Variants in DRC11 observed in about 807,000 individuals in gnomAD.
DRC11 encodes the protein dynein regulatory complex subunit 11, also known as IQ and AAA domain-containing protein 1.
chr2:236,320,429 A>G, the DRC11 span, among the ~76,000 whole-genome samples: 1 of 152,214 alleles, frequency 6.6e-6, no homozygotes, highest in Non-Finnish European at 1.5e-5. Context: ...CACCTACCAC[A>G]ATTACGGTCT....
chr2:236,466,621 G>C, the DRC11 span, among the ~76,000 whole-genome samples: 8 of 152,090 alleles, frequency 5.3e-5, no homozygotes, highest in African/African-American at 1.9e-4. Context: ...GTGGTGAAAG[G>C]GAGCAAGAGA....
chr2:236,491,142 G>GTATA, the DRC11 span, among the ~76,000 whole-genome samples: 100 of 39,352 alleles, frequency 2.5e-3, 5 homozygotes, highest in Middle Eastern at 0.013. Context: ...TATATATACA[G>GTATA]TATATATATA....
chr2:236,324,363 G>A, the DRC11 span: 3 of 270,584 alleles, frequency 1.1e-5, no homozygotes, highest in Non-Finnish European at 1.4e-5. This position sits in a 1 kb window ranked among gnomAD's most constrained non-coding sequence, Gnocchi z 5.7. Flanking sequence ...GAGAGGAAGA[G>A]TCCAACTTGG....
the DRC11 span, chr2:236,391,609 A>G: frequency 8.6e-6 from 2 of 233,046 alleles, no homozygotes; most frequent in Non-Finnish European, 1.7e-5. This position sits in a 1 kb window ranked among gnomAD's most constrained non-coding sequence, Gnocchi z 4.5. Context: ...ACTCACAAAA[A>G]CCTGCTCATT....
At chr2:236,411,622 A>T in the DRC11 span, among the ~76,000 whole-genome samples, 3 of 151,416 alleles carry the variant, frequency 2.0e-5, no homozygotes, top group South Asian at 4.2e-4. Flanking sequence ...CATTATTCAC[A>T]ATAGCAAAGA....
chr2:236,321,588 T>A, the DRC11 span, among the ~76,000 whole-genome samples: 7 of 152,114 alleles, frequency 4.6e-5, no homozygotes, highest in South Asian at 1.0e-3. Flanking sequence ...GACTTTGCAG[T>A]GACAGACAAA....
the DRC11 span, among the ~76,000 whole-genome samples, chr2:236,460,502 C>G: frequency 6.6e-6 from 1 of 152,154 alleles, no homozygotes; most frequent in Non-Finnish European, 1.5e-5. The surrounding 1 kb of genome is among the most constrained non-coding windows in gnomAD (Gnocchi z 4.0). Flanking sequence ...AGGTATTATA[C>G]TCATTGATGT....
the DRC11 span, among the ~76,000 whole-genome samples, chr2:236,350,837 C>A: frequency 6.6e-6 from 1 of 152,196 alleles, no homozygotes; most frequent in Admixed American, 6.5e-5. This position sits in a 1 kb window ranked among gnomAD's most constrained non-coding sequence, Gnocchi z 5.2. Flanking sequence ...TCCTGACCTT[C>A]CCCTGGGGAA....
At chr2:236,431,424 C>T in the DRC11 span, among the ~76,000 whole-genome samples, 1 of 152,142 alleles carries the variant, frequency 6.6e-6, no homozygotes, top group East Asian at 1.9e-4. The surrounding 1 kb of genome is among the most constrained non-coding windows in gnomAD (Gnocchi z 4.2). Flanking sequence ...CTTATAAAGT[C>T]ATCAAATCTT....
chr2:236,479,181 T>C, the DRC11 span, among the ~76,000 whole-genome samples: 2 of 152,202 alleles, frequency 1.3e-5, no homozygotes, highest in African/African-American at 2.4e-5. This position sits in a 1 kb window ranked among gnomAD's most constrained non-coding sequence, Gnocchi z 4.1. Flanking sequence ...TTTTTTTCCA[T>C]TTGCATGGAA....
At chr2:236,348,128 C>A in the DRC11 span, among the ~76,000 whole-genome samples, 2 of 152,222 alleles carry the variant, frequency 1.3e-5, no homozygotes, top group Non-Finnish European at 2.9e-5. The surrounding 1 kb of genome is among the most constrained non-coding windows in gnomAD (Gnocchi z 7.4). Flanking sequence ...TAGATCACAG[C>A]AAAGTATTAA....
chr2:236,357,847 TATATAA>T, the DRC11 span, among the ~76,000 whole-genome samples: 1 of 125,208 alleles, frequency 8.0e-6, no homozygotes, highest in African/African-American at 3.2e-5. Context: ...AAATATGTAA[TATATAA>T]ATATATACTA....
the DRC11 span, among the ~76,000 whole-genome samples, chr2:236,357,057 T>TATATTCATATATATCTATATA: frequency 9.2e-5 from 4 of 43,372 alleles, no homozygotes; most frequent in Admixed American, 7.9e-4. Context: ...TATATATCTA[T>TATATTCATATATATCTATATA]TTATATATTC....
chr2:236,421,425 T>A, the DRC11 span, among the ~76,000 whole-genome samples: 51 of 152,168 alleles, frequency 3.4e-4, no homozygotes, highest in Non-Finnish European at 4.7e-4. Context: ...GAGAATACTA[T>A]AAACACCTTT....
At chr2:236,465,355 C>A in the DRC11 span, 1 of 673,842 alleles carries the variant, frequency 1.5e-6, no homozygotes, top group South Asian at 1.9e-5. The surrounding 1 kb of genome is among the most constrained non-coding windows in gnomAD (Gnocchi z 6.2). Flanking sequence ...AAATTAATTT[C>A]TGAATTCTTA....
chr2:236,403,626 TA>T, the DRC11 span, among the ~76,000 whole-genome samples: 9 of 152,224 alleles, frequency 5.9e-5, no homozygotes, highest in South Asian at 2.1e-4. Flanking sequence ...ACATGGTATT[TA>T]AAAAAAATTA....
chr2:236,405,305 C>G, the DRC11 span, among the ~76,000 whole-genome samples: 1 of 151,818 alleles, frequency 6.6e-6, no homozygotes, highest in African/African-American at 2.4e-5. This position sits in a 1 kb window ranked among gnomAD's most constrained non-coding sequence, Gnocchi z 4.6. Context: ...ACCTGCAGAC[C>G]GACCTCAGAG....
chr2:236,336,462 ACCACCACTGCCACCACGG>A, the DRC11 span, among the ~76,000 whole-genome samples: 1 of 150,410 alleles, frequency 6.6e-6, no homozygotes, highest in Non-Finnish European at 1.5e-5. This position sits in a 1 kb window ranked among gnomAD's most constrained non-coding sequence, Gnocchi z 7.3. Context: ...CACCACGGCC[ACCACCACTGCCACCACGG>A]CCACCACCAC....
chr2:236,472,400 T>C, the DRC11 span, among the ~76,000 whole-genome samples: 1 of 152,214 alleles, frequency 6.6e-6, no homozygotes, highest in Non-Finnish European at 1.5e-5. The surrounding 1 kb of genome is among the most constrained non-coding windows in gnomAD (Gnocchi z 4.6). Context: ...TACAGGATCA[T>C]ATTTTTAACA....
Sources: allele counts gnomAD v4.1 joint callset (sites outside exome capture counted in the v4.1 genomes callset), GRCh38; gene constraint gnomAD v4.1.1; non-coding constraint Gnocchi (gnomAD v3.1); transcripts MANE v1.5; gene names NCBI Gene and HGNC (gene_info 2026-07-23, HGNC 2026-07-21).